Variants in DYSF observed in about 807,000 individuals in gnomAD.
DYSF encodes dystrophy-associated fer-1-like 1.
A neutral mutation model predicts 274.9 loss-of-function variants in DYSF; 212 were observed. The ratio of observed to expected loss-of-function variants is 0.77; its 90% CI spans 0.69 to 0.86. DYSF has a LOEUF of 0.86. Ranked by LOEUF, DYSF falls within the 40% of genes least tolerant of loss-of-function variation. The pLI is 0.00. For synonymous variants in DYSF, 1,091 were observed against 1,078.7 expected, an observed-to-expected ratio of 1.01 and a Z score of -0.22; for missense variants, 2,666 against 2,783.2, an observed-to-expected ratio of 0.96 and a Z score of 0.95.
At chr2:71,538,473 C>A (rs956291996) in intron 16 of DYSF, among the ~76,000 whole-genome samples, 6 of 152,310 alleles carry the variant, frequency 3.9e-5, no homozygotes, top group Non-Finnish European at 1.5e-5. Flanking sequence ...GACGCCAGGG[C>A]TTCCGGCCTG....
At chr2:71,635,748 C>CAAA (rs753590151) in intron 41 of DYSF, among the ~76,000 whole-genome samples, 2,759 of 69,520 alleles carry the variant, frequency 0.04, 150 homozygotes, top group African/African-American at 0.078. Flanking sequence ...GACTCTGTCT[C>CAAA]AAAAAAAAAA....
chr2:71,608,135 C>T (rs2093678478), intron 36 of DYSF, among the ~76,000 whole-genome samples: 1 of 151,792 alleles, frequency 6.6e-6, no homozygotes, highest in African/African-American at 2.4e-5. Flanking sequence ...AGACAAATTT[C>T]CGGGGAGGGG....
chr2:71,566,084 C>T (rs1437348270), intron 24 of DYSF, among the ~76,000 whole-genome samples: 1 of 152,162 alleles, frequency 6.6e-6, no homozygotes, highest in East Asian at 1.9e-4. Flanking sequence ...ATTCTAACCT[C>T]CTGTGCTTGT....
intron 10 of DYSF, among the ~76,000 whole-genome samples, chr2:71,519,540 A>C (rs1461037399): frequency 6.6e-6 from 1 of 152,102 alleles, no homozygotes; most frequent in Non-Finnish European, 1.5e-5. Flanking sequence ...TCATCTGTGG[A>C]TTTTTAATAG....
In DYSF at chr2:71,513,341, C is replaced by T. The variant is rs994288914; in HGVS notation, c.553+9C>T. ...GTGGCCGGCCCCCACGGGTGAGACA[C>T]GGGCCAGGACTGTCCTGATCCCAGA... is the stretch of plus-strand genomic sequence containing the variant. On this transcript the variant is annotated intron_variant, in intron 6 of 55. Coordinates refer to ENST00000410020, the MANE Select transcript of DYSF (RefSeq NM_001130987.2). The T allele has an allele frequency of 2.1e-5, 32 of 1,551,078 alleles. No homozygotes were observed. The highest frequency in any genetic ancestry group is 1.6e-4 in the Admixed American group (8 of 50,972).
At chr2:71,619,608 C>G (rs2094043199) in intron 40 of DYSF, among the ~76,000 whole-genome samples, 1 of 152,184 alleles carries the variant, frequency 6.6e-6, no homozygotes, top group African/African-American at 2.4e-5. Flanking sequence ...AGGGGCCAGC[C>G]CCGGCAGCTC....
intron 42 of DYSF, among the ~76,000 whole-genome samples, chr2:71,654,694 T>C (rs2094734564): frequency 6.6e-6 from 1 of 152,134 alleles, no homozygotes; most frequent in Admixed American, 6.6e-5. Context: ...TTTATAAAAT[T>C]GAATATCATA....
chr2:71,494,394 C>T (rs1282537090), intron 3 of DYSF, among the ~76,000 whole-genome samples: 1 of 152,144 alleles, frequency 6.6e-6, no homozygotes, highest in Non-Finnish European at 1.5e-5. Flanking sequence ...TTTTCCATTG[C>T]ATATTTAAAG....
At chr2:71,475,832 G>A (rs1002826772) in intron 1 of DYSF, among the ~76,000 whole-genome samples, 1 of 152,026 alleles carries the variant, frequency 6.6e-6, no homozygotes, top group Admixed American at 6.6e-5. Context: ...GCAGTGGTAC[G>A]ACCACAGCTC....
intron 14 of DYSF, 144 bp from the exon 15 acceptor site, chr2:71,534,877 A>C: frequency 2.6e-6 from 2 of 779,432 alleles, no homozygotes; most frequent in Non-Finnish European, 4.5e-6. Flanking sequence ...AACCCCCTGC[A>C]CTAGGCCCCA....
At chr2:71,539,585 A>G (rs2089726732) in intron 17 of DYSF, among the ~76,000 whole-genome samples, 1 of 152,180 alleles carries the variant, frequency 6.6e-6, no homozygotes, top group South Asian at 2.1e-4. Flanking sequence ...TTACTGTTCT[A>G]TTAAAAAAGC....
intron 3 of DYSF, among the ~76,000 whole-genome samples, chr2:71,496,801 A>G (rs2084446026): frequency 2.6e-5 from 4 of 152,216 alleles, no homozygotes. Flanking sequence ...TACAAAAAAC[A>G]TAGTTTGGCA....
At chr2:71,500,682 A>G (rs1453402773) in intron 3 of DYSF, among the ~76,000 whole-genome samples, 2 of 152,004 alleles carry the variant, frequency 1.3e-5, no homozygotes, top group East Asian at 3.9e-4. Context: ...TCGGCACCCT[A>G]TGACCTGGCT....
At chr2:71,595,633 G>T (rs1362248044) in intron 32 of DYSF, among the ~76,000 whole-genome samples, 8 of 152,222 alleles carry the variant, frequency 5.3e-5, no homozygotes, top group Non-Finnish European at 1.2e-4. Context: ...TCCAGCTAAG[G>T]AATCGTCTGC....
intron 6 of DYSF, 130 bp downstream of exon 6, chr2:71,513,462 G>A (rs2086317568): frequency 2.0e-6 from 2 of 995,534 alleles, no homozygotes; most frequent in Non-Finnish European, 3.0e-6. Context: ...GCGGGTGGGA[G>A]GGCTAGGGCC....
intron 14 of DYSF, among the ~76,000 whole-genome samples, chr2:71,532,399 G>A (rs1365205067): frequency 6.6e-6 from 1 of 152,184 alleles, no homozygotes; most frequent in African/African-American, 2.4e-5. Context: ...CCATTGGGTA[G>A]TGAAGGAAGG....
chr2:71,680,891 C>T, intron 53 of DYSF, 110 bp from the exon 54 acceptor site: 1 of 862,982 alleles, frequency 1.2e-6, no homozygotes, highest in Non-Finnish European at 1.9e-6. Context: ...AACCCTACAT[C>T]TTTTTTTTTA....
At chr2:71,474,599 T>C (rs1242084055) in intron 1 of DYSF, among the ~76,000 whole-genome samples, 2 of 152,338 alleles carry the variant, frequency 1.3e-5, no homozygotes, top group Non-Finnish European at 2.9e-5. Flanking sequence ...CACGTGATTG[T>C]GCTTAGTGAA....
intron 30 of DYSF, among the ~76,000 whole-genome samples, chr2:71,575,413 T>A (rs1266011835): frequency 1.3e-5 from 2 of 152,112 alleles, no homozygotes; most frequent in Non-Finnish European, 2.9e-5. Context: ...TCCCTTGCCC[T>A]GGGGCCAGGT....
Sources: allele counts gnomAD v4.1 joint callset (sites outside exome capture counted in the v4.1 genomes callset), GRCh38; gene constraint gnomAD v4.1.1; transcripts MANE v1.5; gene names NCBI Gene and HGNC (gene_info 2026-07-23, HGNC 2026-07-21).